Variants in TMEM45A observed in about 807,000 individuals in gnomAD.
TMEM45A encodes the protein transmembrane protein 45A, also known as DNA polymerase-transactivated protein 4.
TMEM45A carries 25 observed loss-of-function variants against 32.0 expected under a neutral mutation model. The observed-to-expected ratio is 0.78, with a 90% CI of 0.57 to 1.09. The LOEUF (loss-of-function observed/expected upper bound fraction) is 1.09, where lower values mean the gene tolerates loss of function less well. TMEM45A is among the 50% of genes least tolerant of loss of function. TMEM45A has a pLI of 0.00. For synonymous variants in TMEM45A, 122 were observed against 114.8 expected (o/e 1.06, Z -0.40); for missense variants, 302 against 325.0 (o/e 0.93, Z 0.54).
Position 100,507,703 on chromosome 3 carries a change from G to A in TMEM45A, c.-4+14775G>A, listed in dbSNP as rs143842418. Reference sequence around the variant, plus strand: ...TGACCACCATGATGGTCTGGATGGCGAGAACAATTCACTTACAGTTTTTAA... The same window carrying A: ...TGACCACCATGATGGTCTGGATGGCAAGAACAATTCACTTACAGTTTTTAA... On this transcript the variant is annotated intron_variant, in intron 1 of 5. Transcript: ENST00000323523. Among the ~76,000 whole-genome samples, 13 of 152,178 alleles carry A rather than the reference G, an allele frequency of 8.5e-5. No homozygotes were observed. The East Asian group carries it at 1.2e-3, about 14-fold the overall frequency.
chr3:100,569,487 G>A (rs9823159), intron 5 of TMEM45A, among the ~76,000 whole-genome samples: 31,718 of 152,116 alleles, frequency 0.21, 4,210 homozygotes, highest in African/African-American at 0.35. Context: ...ATGTTCCATA[G>A]GTGGGTAAGG....
intron 1 of TMEM45A, among the ~76,000 whole-genome samples, chr3:100,510,930 A>C (rs556482500): frequency 6.6e-6 from 1 of 152,314 alleles, no homozygotes; most frequent in African/African-American, 2.4e-5. Flanking sequence ...AGAAAAAAGA[A>C]TAAAAAGAAA....
At chr3:100,569,710 T>G (rs532942191) in intron 5 of TMEM45A, among the ~76,000 whole-genome samples, 2 of 150,180 alleles carry the variant, frequency 1.3e-5, no homozygotes, top group African/African-American at 4.9e-5. Context: ...CTCTTGTTAT[T>G]CTTTTCCTCC....
At chr3:100,503,576 T>C (rs1458070637) in intron 1 of TMEM45A, among the ~76,000 whole-genome samples, 2 of 152,226 alleles carry the variant, frequency 1.3e-5, no homozygotes, top group Admixed American at 6.5e-5. Flanking sequence ...TAAATGTCAT[T>C]GCAGAGGTTT....
chr3:100,512,397 G>A (rs1307616185), intron 1 of TMEM45A, among the ~76,000 whole-genome samples: 1 of 152,140 alleles, frequency 6.6e-6, no homozygotes, highest in Admixed American at 6.5e-5. Context: ...CGAAATGAAG[G>A]CAGAAATAAA....
At chr3:100,506,919 A>G (rs369933252) in intron 1 of TMEM45A, among the ~76,000 whole-genome samples, 1 of 152,204 alleles carries the variant, frequency 6.6e-6, no homozygotes, top group Non-Finnish European at 1.5e-5. Context: ...AGCCCTTTGG[A>G]ACCCAACAGG....
At chr3:100,527,420 T>G (rs2148953313) in intron 1 of TMEM45A, among the ~76,000 whole-genome samples, 1 of 152,322 alleles carries the variant, frequency 6.6e-6, no homozygotes, top group Non-Finnish European at 1.5e-5. Context: ...CCTTCTTACT[T>G]TGGGCCCAAG....
At chr3:100,530,502 A>G (rs1705625845) in intron 1 of TMEM45A, among the ~76,000 whole-genome samples, 1 of 152,198 alleles carries the variant, frequency 6.6e-6, no homozygotes, top group African/African-American at 2.4e-5. Context: ...AATGTTAATA[A>G]TATCTAAAAA....
At chr3:100,495,915 C>T (rs1707917938) in intron 1 of TMEM45A, among the ~76,000 whole-genome samples, 1 of 152,230 alleles carries the variant, frequency 6.6e-6, no homozygotes, top group African/African-American at 2.4e-5. Flanking sequence ...CCGAGTAGCT[C>T]TTTCTCATCC....
chr3:100,525,304 T>C (rs1006945390), intron 1 of TMEM45A, among the ~76,000 whole-genome samples: 1 of 152,196 alleles, frequency 6.6e-6, no homozygotes, highest in African/African-American at 2.4e-5. Context: ...AAATAAAATA[T>C]ATTATTAAGC....
chr3:100,537,639 A>T (rs1306752747), intron 1 of TMEM45A, among the ~76,000 whole-genome samples: 1 of 152,236 alleles, frequency 6.6e-6, no homozygotes, highest in Non-Finnish European at 1.5e-5. Context: ...GCAGGATGAC[A>T]GGAAGAGGAG....
chr3:100,572,444 G>A (rs1247100454), intron 5 of TMEM45A: 1 of 151,924 alleles, frequency 6.6e-6, no homozygotes, highest in Non-Finnish European at 1.5e-5. Flanking sequence ...TTTTGATGGG[G>A]TTGTTTGTTT....
chr3:100,540,773 T>C (rs1705856889), intron 1 of TMEM45A, among the ~76,000 whole-genome samples: 2 of 152,226 alleles, frequency 1.3e-5, no homozygotes, highest in African/African-American at 4.8e-5. Context: ...TTATTCACAA[T>C]TGTCAACGAT....
chr3:100,543,373 G>A (rs139023706), intron 1 of TMEM45A, among the ~76,000 whole-genome samples: 33 of 152,192 alleles, frequency 2.2e-4, no homozygotes, highest in Non-Finnish European at 4.0e-4. Context: ...ACTACACATC[G>A]AATTGCTGGA....
chr3:100,539,868 CCAGT>C (rs375226184), intron 1 of TMEM45A, among the ~76,000 whole-genome samples: 1,664 of 152,242 alleles, frequency 0.011, 10 homozygotes, highest in Middle Eastern at 0.024. Context: ...ATTTCTTAGC[CCAGT>C]CAAATTGACA....
chr3:100,525,769 G>T (rs187524761), intron 1 of TMEM45A, among the ~76,000 whole-genome samples: 1 of 152,286 alleles, frequency 6.6e-6, no homozygotes, highest in Non-Finnish European at 1.5e-5. Flanking sequence ...CCCATGAAGG[G>T]TCCCCTGACT....
intron 1 of TMEM45A, among the ~76,000 whole-genome samples, chr3:100,495,939 A>T (rs1707919849): frequency 6.6e-6 from 1 of 152,316 alleles, no homozygotes; most frequent in South Asian, 2.1e-4. Context: ...TGATAGAATC[A>T]TCTACTCACA....
At chr3:100,535,744 G>T (rs188728234) in intron 1 of TMEM45A, among the ~76,000 whole-genome samples, 1 of 152,038 alleles carries the variant, frequency 6.6e-6, no homozygotes, top group Non-Finnish European at 1.5e-5. Context: ...ATATTAAACC[G>T]CAAACTTGAG....
In TMEM45A at chr3:100,556,790, G is replaced by A; in HGVS notation, c.221G>A (p.Gly74Glu). Residue 74 changes from glycine (G) to glutamate (E), a missense_variant, in exon 3 of 6, where the codon GGG becomes GAG. Coordinates refer to ENST00000323523, the MANE Select transcript of TMEM45A (RefSeq NM_018004.3). Reference protein sequence around the residue: ...GMAGEQFIPGGPHLMLYDYKQ... With the variant: ...GMAGEQFIPGEPHLMLYDYKQ... ...GCTGGGGAGCAGTTTATTCCTGGAG[G>A]GCCCCATCTGATGTTATATGACTAT... 1 of 1,613,840 alleles carries A rather than the reference G, an allele frequency of 6.2e-7. No individual in the cohort carries two copies. Among genetic ancestry groups the A allele is most frequent in the South Asian group, 1.1e-5 (1 of 91,052 alleles).
Sources: gnomAD v4.1 joint callset for allele counts (sites outside exome capture counted in the v4.1 genomes callset) on GRCh38, gnomAD v4.1.1 for gene constraint, MANE v1.5 for transcripts, NCBI Gene and HGNC (gene_info 2026-07-23, HGNC 2026-07-21) for gene names.